The following EYA4 variants were observed in gnomAD, a reference collection of about 807,000 sequenced individuals.
EYA4 encodes the protein EYA transcriptional coactivator and phosphatase 4, also known as protein phosphatase EYA4.
A neutral mutation model predicts 87.9 loss-of-function variants in EYA4; 31 were observed. The observed-to-expected ratio is 0.35, with a 90% CI of 0.27 to 0.48. EYA4 has a LOEUF of 0.48. EYA4 is among the 20% of genes least tolerant of loss of function. EYA4 has a pLI of 0.99. For synonymous variants in EYA4, 263 were observed against 270.6 expected (o/e 0.97, Z 0.28); for missense variants, 678 against 761.4 (o/e 0.89, Z 1.29).
chr6:133,495,485 T>TATTCATTTATTTATAAATAAATATAA (rs142398992), intron 13 of EYA4, among the ~76,000 whole-genome samples: 2 of 119,898 alleles, frequency 1.7e-5, no homozygotes, highest in African/African-American at 6.9e-5. Flanking sequence ...TAAAGAAATA[T>TATTCATTTATTTATAAATAAATATAA]AGAAGAGAGA....
chr6:133,366,053 G>A (rs1028072703), intron 2 of EYA4, among the ~76,000 whole-genome samples: 2 of 152,164 alleles, frequency 1.3e-5, no homozygotes, highest in African/African-American at 4.8e-5. Flanking sequence ...AACTGCTTAG[G>A]GGATTACTGT....
chr6:133,444,068 G>A (rs1341638898), intron 3 of EYA4, among the ~76,000 whole-genome samples: 4 of 152,102 alleles, frequency 2.6e-5, no homozygotes, highest in South Asian at 2.1e-4. Flanking sequence ...CAAATCTTAC[G>A]TGTATATTTT....
chr6:133,307,179 G>A (rs1354581296), intron 2 of EYA4, among the ~76,000 whole-genome samples: 2 of 152,166 alleles, frequency 1.3e-5, no homozygotes, highest in East Asian at 1.9e-4. Context: ...ATCCTGAATC[G>A]TTTCTTCCAC....
At chr6:133,502,997 A>C (rs1172691544) in intron 13 of EYA4, among the ~76,000 whole-genome samples, 1 of 152,220 alleles carries the variant, frequency 6.6e-6, no homozygotes, top group Non-Finnish European at 1.5e-5. Context: ...TGTGATGTGG[A>C]ATCTCCACAG....
intron 9 of EYA4, among the ~76,000 whole-genome samples, chr6:133,464,458 T>A (rs539254598): frequency 6.6e-6 from 1 of 152,128 alleles, no homozygotes; most frequent in Non-Finnish European, 1.5e-5. Flanking sequence ...TTCCTGGAGG[T>A]AGTCTTAGTC....
intron 2 of EYA4, among the ~76,000 whole-genome samples, chr6:133,315,362 C>A (rs1447552068): frequency 6.6e-6 from 1 of 152,106 alleles, no homozygotes; most frequent in Non-Finnish European, 1.5e-5. Context: ...CCTTTTATGG[C>A]AATTTCAACC....
chr6:133,526,757 T>C (rs926418449), intron 19 of EYA4, among the ~76,000 whole-genome samples: 4 of 152,182 alleles, frequency 2.6e-5, no homozygotes, highest in African/African-American at 7.2e-5. Context: ...AAATATCTTC[T>C]GGAGTTTGTC....
At chr6:133,413,863 C>A (rs1315000707) in intron 3 of EYA4, among the ~76,000 whole-genome samples, 2 of 152,128 alleles carry the variant, frequency 1.3e-5, no homozygotes, top group Non-Finnish European at 2.9e-5. Flanking sequence ...TGCAAAGATT[C>A]TCCTCTTTCT....
chr6:133,340,043 C>T (rs34751763), intron 2 of EYA4, among the ~76,000 whole-genome samples: 32,819 of 151,934 alleles, frequency 0.22, 4,012 homozygotes, highest in Non-Finnish European at 0.28. Flanking sequence ...GAGGTTAGTA[C>T]TAATATAAGT....
At chr6:133,412,849 C>G (rs11963948) in intron 3 of EYA4, among the ~76,000 whole-genome samples, 5 of 152,068 alleles carry the variant, frequency 3.3e-5, no homozygotes, top group African/African-American at 1.2e-4. Flanking sequence ...TCCTCTTCAT[C>G]GGACTTCCTT....
intron 2 of EYA4, among the ~76,000 whole-genome samples, chr6:133,294,343 G>T (rs989401): frequency 0.23 from 31,571 of 139,662 alleles, 3,711 homozygotes; most frequent in East Asian, 0.44. Context: ...TGCTCTTTCT[G>T]TTTTTTTTTT....
intron 2 of EYA4, among the ~76,000 whole-genome samples, chr6:133,340,841 C>T (rs190448321): frequency 6.6e-6 from 1 of 152,242 alleles, no homozygotes; most frequent in East Asian, 1.9e-4. Context: ...GAAAGAGTCC[C>T]TCTGGCTGCT....
intron 3 of EYA4, among the ~76,000 whole-genome samples, chr6:133,438,253 C>A (rs535615847): frequency 6.6e-6 from 1 of 151,818 alleles, no homozygotes; most frequent in Non-Finnish European, 1.5e-5. Context: ...AATTGCATTT[C>A]GGTTTCCTGT....
chr6:133,339,213 T>A (rs1782604775), intron 2 of EYA4, among the ~76,000 whole-genome samples: 1 of 152,154 alleles, frequency 6.6e-6, no homozygotes, highest in Non-Finnish European at 1.5e-5. Flanking sequence ...CAGGACAAGG[T>A]AATAAAGTGC....
intron 2 of EYA4, among the ~76,000 whole-genome samples, chr6:133,365,232 T>A (rs1353888208): frequency 6.6e-6 from 1 of 152,152 alleles, no homozygotes; most frequent in Non-Finnish European, 1.5e-5. Flanking sequence ...TATCCTTGAG[T>A]CTTCTTCCTG....
chr6:133,397,570 A>G (rs1379188406), intron 3 of EYA4, among the ~76,000 whole-genome samples: 5 of 152,118 alleles, frequency 3.3e-5, no homozygotes, highest in Non-Finnish European at 1.5e-5. Flanking sequence ...CTGCTTCTTG[A>G]TTTATTGTTT....
chr6:133,491,718 G>T (rs1247627091), intron 13 of EYA4, among the ~76,000 whole-genome samples: 1 of 151,998 alleles, frequency 6.6e-6, no homozygotes, highest in East Asian at 1.9e-4. Flanking sequence ...TTGGGAGGCC[G>T]AGGTGGGCAG....
rs1777023510 is a variant in EYA4, at chr6:133,274,760, CAGG to C, written c.-18_-16del. 1 of 1,609,448 alleles carries C rather than the reference CAGG, an allele frequency of 6.2e-7. No individual in the cohort carries two copies. Among genetic ancestry groups the C allele is most frequent in the Non-Finnish European group, 8.5e-7 (1 of 1,176,056 alleles). On this transcript the variant is annotated 5_prime_UTR_variant, in exon 2 of 20. Coordinates refer to ENST00000355286, the MANE Select transcript of EYA4 (RefSeq NM_004100.5). ...GGAAGCTGCTTCTACTTGGGAGTGG[CAGG>C]AGAAGTGAGAAAACCACATGGAAGA...
intron 13 of EYA4, among the ~76,000 whole-genome samples, chr6:133,493,452 G>T (rs1797363602): frequency 6.6e-6 from 1 of 152,078 alleles, no homozygotes; most frequent in African/African-American, 2.4e-5. Context: ...AATCAAAATG[G>T]ACTAAAGACT....
Sources: allele counts gnomAD v4.1 joint callset (sites outside exome capture counted in the v4.1 genomes callset), GRCh38; gene constraint gnomAD v4.1.1; transcripts MANE v1.5; gene names NCBI Gene and HGNC (gene_info 2026-07-23, HGNC 2026-07-21).